PFN2: variants seen among roughly 807,000 people sequenced by gnomAD.
The protein encoded by PFN2 is profilin 2, also known as profilin-2.
A neutral mutation model predicts 15.3 loss-of-function variants in PFN2; 8 were observed. The observed-to-expected ratio is 0.52, with a 90% CI of 0.31 to 0.95. The LOEUF is 0.95. Ranked by LOEUF, PFN2 falls within the 40% of genes least tolerant of loss-of-function variation. The pLI is 0.05. For synonymous variants in PFN2, 79 were observed against 67.9 expected (o/e 1.16, Z -0.81); for missense variants, 111 against 182.3 (o/e 0.61, Z 2.25).
chr3:149,966,229 C>T lies in PFN2; in HGVS notation c.*260G>A, dbSNP rs374675748. The T allele has an allele frequency of 7.9e-5, 128 of 1,613,458 alleles. No individual in the cohort carries two copies. The highest frequency in any genetic ancestry group is 1.6e-4 in the Middle Eastern group (1 of 6,082). ...TATGCTTTCTTGTTAAGTGTGCCTCCGTGGACACCTTCCTTTCCCATGACT... is the reference window on the plus strand; with the variant it reads ...TATGCTTTCTTGTTAAGTGTGCCTCTGTGGACACCTTCCTTTCCCATGACT... On this transcript the variant is annotated 3_prime_UTR_variant, in exon 3 of 3. Transcript: ENST00000239940.
In PFN2 at chr3:149,965,522, C is replaced by T; in HGVS notation, c.*967G>A. 3 of 1,401,430 alleles carry T rather than the reference C, an allele frequency of 2.1e-6. No homozygotes were observed. Among genetic ancestry groups the T allele is most frequent in the Non-Finnish European group, 2.8e-6 (3 of 1,084,504 alleles). 86.8% of individuals were successfully genotyped at this position (1,401,430 alleles called of 1,614,324 possible). A position where few individuals can be genotyped will look rare whatever the true frequency, so the allele number is the denominator to read the frequency against. On this transcript the variant is annotated 3_prime_UTR_variant, in exon 3 of 3. Coordinates refer to ENST00000239940, the MANE Select transcript of PFN2 (RefSeq NM_053024.4). ...GCTTTTTGCTCTTGTTTTGCCATTGCACTCTTCATATGTCCTGTAGACACT... is the reference window on the plus strand; with the variant it reads ...GCTTTTTGCTCTTGTTTTGCCATTGTACTCTTCATATGTCCTGTAGACACT...
intron 1 of PFN2, 83 bp from the exon 2 acceptor site, chr3:149,968,633 A>G (rs1200038590): frequency 8.4e-7 from 1 of 1,189,110 alleles, no homozygotes; most frequent in Non-Finnish European, 1.2e-6. Flanking sequence ...TGTAACAGGA[A>G]GGGCTGTAGC....
At chr3:149,969,993 CGAT>C (rs1434208142) in intron 1 of PFN2, among the ~76,000 whole-genome samples, 1 of 151,172 alleles carries the variant, frequency 6.6e-6, no homozygotes, top group Non-Finnish European at 1.5e-5. Flanking sequence ...AACCGTATAT[CGAT>C]GAATCTCCAT....
At position 149,966,015 on chromosome 3, in the gene PFN2, G is replaced by A; in HGVS notation, c.*474C>T. Reference sequence around the variant, plus strand: ...AGATAAGGGTTGGTTACATACAGTGGTTAACATACAAATGATCCATTGGGC... The same window carrying A: ...AGATAAGGGTTGGTTACATACAGTGATTAACATACAAATGATCCATTGGGC... On this transcript the variant is annotated 3_prime_UTR_variant, in exon 3 of 3. Coordinates refer to ENST00000239940, the MANE Select transcript of PFN2 (RefSeq NM_053024.4). 1 of 1,462,342 alleles carries A rather than the reference G, an allele frequency of 6.8e-7. No homozygotes were observed. The highest frequency in any genetic ancestry group is 9.0e-7 in the Non-Finnish European group (1 of 1,112,098). 90.6% of individuals were successfully genotyped at this position (1,462,342 alleles called of 1,614,324 possible). A position where few individuals can be genotyped will look rare whatever the true frequency, so the allele number is the denominator to read the frequency against.
At chr3:149,968,203 TA>T in intron 2 of PFN2, 154 bp downstream of exon 2, 1 of 636,036 alleles carries the variant, frequency 1.6e-6, no homozygotes, top group Non-Finnish European at 2.8e-6. Flanking sequence ...GTAGAGTAGG[TA>T]AAACTAAAGC....
Position 149,965,893 on chromosome 3 carries a change from T to A in PFN2, c.*596A>T, listed in dbSNP as rs753427066. The stretch of plus-strand genomic sequence containing the variant: ...ACTTATTTTAGTAATCAATATCCCA[T>A]TAATTGCTAAGACAAAGTGATGCCC... On this transcript the variant is annotated 3_prime_UTR_variant, in exon 3 of 3. Transcript: ENST00000239940. The A allele has an allele frequency of 6.3e-5, 79 of 1,262,228 alleles. No homozygotes were observed. The highest frequency in any genetic ancestry group is 2.5e-4 in the South Asian group (11 of 44,106). 78.2% of individuals were successfully genotyped at this position (1,262,228 alleles called of 1,614,324 possible). A position where few individuals can be genotyped will look rare whatever the true frequency, so the allele number is the denominator to read the frequency against.
In PFN2 at chr3:149,966,080, T is replaced by G. The variant is rs1722681697; in HGVS notation, c.*409A>C. 1.3e-6 allele frequency: 2 copies of G among 1,530,272 alleles called. No individual in the cohort carries two copies. Among genetic ancestry groups the G allele is most frequent in the Admixed American group, 4.4e-5 (2 of 45,424 alleles). The allele number at this position is 1,530,272 out of a possible 1,614,324, so 94.8% of individuals were successfully genotyped here. A position where few individuals can be genotyped will look rare whatever the true frequency, so the allele number is the denominator to read the frequency against. ...ACATTAGAAAATAGGTAAAGAAAAA[T>G]TAGCTACCATCTACAGTTTGGTAGC... is the stretch of plus-strand genomic sequence containing the variant. On this transcript the variant is annotated 3_prime_UTR_variant, in exon 3 of 3. Transcript: ENST00000239940.
chr3:149,966,935 T>C (rs907942741), intron 2 of PFN2, among the ~76,000 whole-genome samples: 14 of 150,600 alleles, frequency 9.3e-5, no homozygotes, highest in Admixed American at 7.3e-4. Flanking sequence ...GCCCCCAAAA[T>C]ATAAACTTAA....
chr3:149,966,059 T>A lies in PFN2; in HGVS notation c.*430A>T, dbSNP rs898135833. ...ATTGGGCAAACAGGAATCATGACATTAGAAAATAGGTAAAGAAAAATTAGC... is the reference window on the plus strand; with the variant it reads ...ATTGGGCAAACAGGAATCATGACATAAGAAAATAGGTAAAGAAAAATTAGC... On this transcript the variant is annotated 3_prime_UTR_variant, in exon 3 of 3. Transcript: ENST00000239940. 7.9e-6 allele frequency: 12 copies of A among 1,520,666 alleles called. No individual in the cohort carries two copies. Among genetic ancestry groups the A allele is most frequent in the Non-Finnish European group, 1.1e-5 (12 of 1,137,724 alleles). 94.2% of individuals were successfully genotyped at this position (1,520,666 alleles called of 1,614,324 possible).
rs1163531313 is a variant in PFN2, at chr3:149,968,535, T to G, written c.148A>C (p.Met50Leu). ...FQSITPIEID[M>L]IVGKDREGFF... ...CCTTCCCGGTCTTTTCCTACAATCA[T>G]ATCTATTTCTATTGGCTGCCCCCCA... The change falls in exon 2 of 3, where the codon ATG becomes CTG. Residue 50 changes from methionine to leucine, a missense_variant. Physicochemically the swap from Met to Leu is conservative, Grantham distance 15 (BLOSUM62 2). Around this residue, in one of 2 missense-constraint regions of PFN2, gnomAD observed 64 missense variants for 69.7 expected, o/e 0.92. Transcript: ENST00000239940. 1.2e-6 allele frequency: 2 copies of G among 1,606,370 alleles called. No individual in the cohort carries two copies. The highest frequency in any genetic ancestry group is 1.7e-6 in the Non-Finnish European group (2 of 1,178,068).
chr3:149,965,618 CTCA>C lies in PFN2; in HGVS notation c.*868_*870del, dbSNP rs1214917715. ...AGCAAACTACTGCAGCTCTCAATAG[CTCA>C]TCAACAAAAGGGATTTTAATTGGTT... On this transcript the variant is annotated 3_prime_UTR_variant, in exon 3 of 3. Coordinates refer to ENST00000239940, the MANE Select transcript of PFN2 (RefSeq NM_053024.4). 8 of 1,070,390 alleles carry C rather than the reference CTCA, an allele frequency of 7.5e-6. No individual in the cohort carries two copies. The highest frequency in any genetic ancestry group is 1.7e-5 in the African/African-American group (1 of 58,140). 66.3% of individuals were successfully genotyped at this position (1,070,390 alleles called of 1,614,324 possible). A position where few individuals can be genotyped will look rare whatever the true frequency, so the allele number is the denominator to read the frequency against.
At chr3:149,970,537 C>T in intron 1 of PFN2, 188 bp downstream of exon 1, 1 of 445,368 alleles carries the variant, frequency 2.2e-6, no homozygotes, top group Non-Finnish European at 3.5e-6. Flanking sequence ...GTCAGCGCAG[C>T]CCCGGGTGAG....
intron 1 of PFN2, among the ~76,000 whole-genome samples, chr3:149,969,470 C>T (rs1164871900): frequency 6.6e-6 from 1 of 152,194 alleles, no homozygotes. Flanking sequence ...GACAAGAGGA[C>T]TGCAGGAAAA....
At position 149,970,743 on chromosome 3, in the gene PFN2, G is replaced by A. The variant is rs1722841696; in HGVS notation, c.114C>T (p.Gly38=). Residue 38 remains glycine (G), a synonymous_variant, in exon 1 of 3, where the codon GGC becomes GGT. Coordinates refer to ENST00000239940, the MANE Select transcript of PFN2 (RefSeq NM_053024.4). ...AKYVWAATAG[G]VFQSITPIEI... ...TCCTCACCGTAATGCTCTGAAAGAC[G>A]CCCCCGGCCGTGGCTGCCCAGACGT... The A allele has an allele frequency of 3.9e-6, 6 of 1,520,478 alleles. No homozygotes were observed. Among genetic ancestry groups the A allele is most frequent in the Admixed American group, 2.1e-5 (1 of 48,594 alleles). 94.2% of individuals were successfully genotyped at this position (1,520,478 alleles called of 1,614,324 possible).
chr3:149,969,122 A>G (rs928938896), intron 1 of PFN2, among the ~76,000 whole-genome samples: 6 of 152,260 alleles, frequency 3.9e-5, no homozygotes, highest in East Asian at 1.9e-4. Context: ...TTCCAAATTC[A>G]TATTTCCCTC....
rs528540944 is a variant in PFN2 at position 149,970,509 on chromosome 3, G to GGCC, written c.132+213_132+215dup. The GGCC allele has an allele frequency of 1.7e-5, 6 of 361,528 alleles. No individual in the cohort carries two copies. The South Asian group carries it at 8.3e-4, about 50-fold the overall frequency. 22.4% of individuals were successfully genotyped at this position (361,528 alleles called of 1,614,324 possible). A position where few individuals can be genotyped will look rare whatever the true frequency, so the allele number is the denominator to read the frequency against. On this transcript the variant is annotated intron_variant, in intron 1 of 2. Coordinates refer to ENST00000239940, the MANE Select transcript of PFN2 (RefSeq NM_053024.4). Reference sequence around the variant, plus strand: ...CCCGGCCAGGGCCAGCAAGGAGTCCGGCCGCCGCCCCCAGCCTGTCAGCGC... The same window carrying GGCC: ...CCCGGCCAGGGCCAGCAAGGAGTCCGGCCGCCGCCGCCCCCAGCCTGTCAGCGC...
chr3:149,968,571 A>G, intron 1 of PFN2, 21 bp from the exon 2 acceptor site: 2 of 1,440,084 alleles, frequency 1.4e-6, no homozygotes, highest in Admixed American at 2.4e-5. Context: ...CCAAAAAGAA[A>G]AAAAAAAAAC....
At chr3:149,968,267 A>G in intron 2 of PFN2, 91 bp downstream of exon 2, 1 of 1,208,144 alleles carries the variant, frequency 8.3e-7, no homozygotes, top group Non-Finnish European at 1.2e-6. Context: ...AATAGCCATT[A>G]TGGACTAACT....
At chr3:149,968,575 A>T (rs1431375344) in intron 1 of PFN2, 25 bp from the exon 2 acceptor site, 1 of 1,449,566 alleles carries the variant, frequency 6.9e-7, no homozygotes, top group African/African-American at 2.8e-5. Context: ...AAAGAAAAAA[A>T]AAAAACACAC....
Sources: allele counts gnomAD v4.1 joint callset (sites outside exome capture counted in the v4.1 genomes callset), GRCh38; gene constraint gnomAD v4.1.1; regional missense constraint gnomAD v4.1.1; transcripts MANE v1.5; gene names NCBI Gene and HGNC (gene_info 2026-07-23, HGNC 2026-07-21).